KLHL32: variants seen among roughly 807,000 people sequenced by gnomAD.
The protein encoded by KLHL32 is kelch-like protein 32.
A neutral mutation model predicts 64.8 loss-of-function variants in KLHL32; 35 were observed. That is an observed-to-expected ratio of 0.54 (90% CI 0.41 to 0.72). The LOEUF (loss-of-function observed/expected upper bound fraction) is 0.72. Ranked by LOEUF, KLHL32 falls within the 30% of genes least tolerant of loss-of-function variation. The pLI is 0.00. For synonymous variants in KLHL32, 259 were observed against 281.0 expected (o/e 0.92, Z 0.78); for missense variants, 589 against 768.5 (o/e 0.77, Z 2.76).
intron 7 of KLHL32, among the ~76,000 whole-genome samples, chr6:97,124,761 T>C (rs1354909472): frequency 6.6e-6 from 1 of 152,168 alleles, no homozygotes; most frequent in Non-Finnish European, 1.5e-5. Context: ...CTGGTGGTTA[T>C]GGCTCAGATC....
At chr6:97,085,424 C>A in intron 6 of KLHL32, 83 bp downstream of exon 6, 1 of 1,189,876 alleles carries the variant, frequency 8.4e-7, no homozygotes, top group Non-Finnish European at 1.2e-6. Context: ...ACAATTACCA[C>A]TATTTTAGTG....
At chr6:96,948,428 T>C (rs1772175681) in intron 1 of KLHL32, among the ~76,000 whole-genome samples, 1 of 152,074 alleles carries the variant, frequency 6.6e-6, no homozygotes, top group Non-Finnish European at 1.5e-5. Flanking sequence ...AACCAAGACA[T>C]CAGATGATTC....
At chr6:97,030,466 C>T (rs377531798) in intron 3 of KLHL32, among the ~76,000 whole-genome samples, 1 of 152,204 alleles carries the variant, frequency 6.6e-6, no homozygotes, top group African/African-American at 2.4e-5. Context: ...TATATACTCA[C>T]AAACTAGGTT....
At position 97,113,968 on chromosome 6, in the gene KLHL32, C is replaced by G. The variant is rs766504500; in HGVS notation, c.813C>G (p.Ile271Met). 2 of 1,614,210 alleles carry G rather than the reference C, an allele frequency of 1.2e-6. No individual in the cohort carries two copies. Among genetic ancestry groups the G allele is most frequent in the East Asian group, 4.5e-5 (2 of 44,876 alleles). ...AGGCCCTGGAATACCACCAGAGCAT[C>G]TATGCACAGCCTGTCTGGCAGACTC... ...VNEALEYHQS[I>M]YAQPVWQTRR... The change falls in exon 7 of 11, where the codon ATC (isoleucine) becomes ATG (methionine). Residue 271 changes from isoleucine (I) to methionine (M), a missense_variant. Physicochemically the swap from Ile to Met is conservative, Grantham distance 10 (BLOSUM62 1). Around this residue, in one of 3 missense-constraint regions of KLHL32, gnomAD observed 226 missense variants for 353.2 expected, o/e 0.64. Transcript: ENST00000369261.
At chr6:97,038,839 C>T (rs1251968265) in intron 3 of KLHL32, among the ~76,000 whole-genome samples, 3 of 151,910 alleles carry the variant, frequency 2.0e-5, no homozygotes, top group Non-Finnish European at 4.4e-5. Context: ...TCCCAGCACT[C>T]CAGCACTTTG....
intron 1 of KLHL32, among the ~76,000 whole-genome samples, chr6:96,964,627 TG>T (rs1302140413): frequency 6.6e-6 from 1 of 152,212 alleles, no homozygotes; most frequent in African/African-American, 2.4e-5. Context: ...CAGTCCAGCC[TG>T]GGCGACAGAG....
At position 97,130,914 on chromosome 6, in the gene KLHL32, A is replaced by G. The variant is rs771466310; in HGVS notation, c.1571A>G (p.Asp524Gly). The G allele has an allele frequency of 2.5e-6, 4 of 1,613,516 alleles. No homozygotes were observed. The highest frequency in any genetic ancestry group is 3.4e-6 in the Non-Finnish European group (4 of 1,179,756). ...ATAGATTCTTACAACATAGACACTG[A>G]CCAGTGGACACGTTGTAATTTCAAC... ...RHIDSYNIDT[D>G]QWTRCNFNLL... The change falls in exon 9 of 11, where the codon GAC becomes GGC. Residue 524 changes from aspartate to glycine, a missense_variant. Transcript: ENST00000369261.
chr6:97,033,480 A>G (rs1479222515), intron 3 of KLHL32, among the ~76,000 whole-genome samples: 1 of 152,156 alleles, frequency 6.6e-6, no homozygotes, highest in East Asian at 1.9e-4. Context: ...TAATGCTGTA[A>G]TAACCATGGG....
chr6:97,110,825 A>G (rs1051213611), intron 6 of KLHL32, among the ~76,000 whole-genome samples: 3 of 152,350 alleles, frequency 2.0e-5, no homozygotes, highest in Admixed American at 1.3e-4. Flanking sequence ...GGGCAAACTC[A>G]AAACAGAAGC....
intron 3 of KLHL32, among the ~76,000 whole-genome samples, chr6:97,026,543 A>G (rs1782743485): frequency 6.6e-6 from 1 of 152,190 alleles, no homozygotes; most frequent in Non-Finnish European, 1.5e-5. Context: ...TGCATGCCTA[A>G]TAAAGGAGAT....
intron 9 of KLHL32, 54 bp from the exon 10 acceptor site, chr6:97,132,599 A>G: frequency 2.2e-6 from 3 of 1,381,170 alleles, no homozygotes; most frequent in Non-Finnish European, 3.1e-6. Flanking sequence ...AGGGTTAATT[A>G]AAATATGTAA....
At chr6:96,978,330 T>C (rs1202866366) in intron 3 of KLHL32, among the ~76,000 whole-genome samples, 1 of 152,144 alleles carries the variant, frequency 6.6e-6, no homozygotes, top group Non-Finnish European at 1.5e-5. Context: ...GTGTCTGTTG[T>C]TCCCTTCTTT....
chr6:97,079,184 T>G (rs962519315), intron 5 of KLHL32, among the ~76,000 whole-genome samples: 3 of 152,232 alleles, frequency 2.0e-5, no homozygotes, highest in African/African-American at 2.4e-5. Flanking sequence ...GTACTTCTTG[T>G]ATGAACTTTG....
chr6:96,919,454 G>A, the KLHL32 span, among the ~76,000 whole-genome samples: 1 of 152,196 alleles, frequency 6.6e-6, no homozygotes, highest in South Asian at 2.1e-4. Context: ...GTGTTGATAT[G>A]AAATATGTAT....
intron 4 of KLHL32, among the ~76,000 whole-genome samples, chr6:97,061,738 C>A (rs1788947440): frequency 6.6e-6 from 1 of 152,056 alleles, no homozygotes. Flanking sequence ...TTTTTTTCTG[C>A]AGAGGTTGTT....
At position 97,098,813 on chromosome 6, in the gene KLHL32, A is replaced by T. The variant is rs993430677; in HGVS notation, c.627+13472A>T. ...TAAAATAGTAAAATAGACCTCAGGG[A>T]TACTTCATAAAATTATTGCTTTGTT... On this transcript the variant is annotated intron_variant, in intron 6 of 10. Transcript: ENST00000369261. Among the ~76,000 whole-genome samples, 5 of 152,344 alleles carry T rather than the reference A, an allele frequency of 3.3e-5. No homozygotes were observed. In the East Asian group the frequency reaches 9.6e-4, roughly 29 times the overall value.
At chr6:97,106,994 A>G (rs960565149) in intron 6 of KLHL32, among the ~76,000 whole-genome samples, 4 of 152,240 alleles carry the variant, frequency 2.6e-5, no homozygotes, top group Admixed American at 6.5e-5. Flanking sequence ...TTTATTGAAT[A>G]TAGAAGTTAT....
At chr6:96,919,544 A>G in the KLHL32 span, among the ~76,000 whole-genome samples, 1 of 152,146 alleles carries the variant, frequency 6.6e-6, no homozygotes, top group Admixed American at 6.5e-5. Flanking sequence ...GTAGTTTCCA[A>G]TTTTGCTTGA....
chr6:97,001,310 A>G (rs1487312913), intron 3 of KLHL32, among the ~76,000 whole-genome samples: 1 of 152,150 alleles, frequency 6.6e-6, no homozygotes, highest in African/African-American at 2.4e-5. Flanking sequence ...ACTCAGTTTT[A>G]CTGGTGAACC....
Sources: allele counts gnomAD v4.1 joint callset (sites outside exome capture counted in the v4.1 genomes callset), GRCh38; gene constraint gnomAD v4.1.1; regional missense constraint gnomAD v4.1.1; transcripts MANE v1.5; gene names NCBI Gene and HGNC (gene_info 2026-07-23, HGNC 2026-07-21).